HERC3: variants seen among roughly 807,000 people sequenced by gnomAD.
The protein encoded by HERC3 is probable E3 ubiquitin-protein ligase HERC3.
A neutral mutation model predicts 129.9 loss-of-function variants in HERC3; 58 were observed. The ratio of observed to expected loss-of-function variants is 0.45; its 90% confidence interval spans 0.36 to 0.56. HERC3 has a LOEUF of 0.56. Ranked by LOEUF, HERC3 falls within the 20% of genes least tolerant of loss-of-function variation. HERC3 has a pLI of 0.00. For missense variants in HERC3, 835 were observed against 1,244.2 expected (o/e 0.67, Z 4.95); for synonymous variants, 430 against 451.0 (o/e 0.95, Z 0.59).
At chr4:88,667,810 A>G (rs1731205488) in intron 13 of HERC3, 82 bp from the exon 14 acceptor site, 2 of 1,041,782 alleles carry the variant, frequency 1.9e-6, no homozygotes, top group Non-Finnish European at 2.9e-6. Flanking sequence ...TTGAGAGTCT[A>G]TCAAATAGCT....
At chr4:88,530,076 G>A in the HERC3 span, among the ~76,000 whole-genome samples, 1 of 152,068 alleles carries the variant, frequency 6.6e-6, no homozygotes, top group South Asian at 2.1e-4. Context: ...GATCACCTGA[G>A]GAGTTCAAGA....
chr4:88,585,258 T>C, the HERC3 span, among the ~76,000 whole-genome samples: 1 of 152,220 alleles, frequency 6.6e-6, no homozygotes, highest in Non-Finnish European at 1.5e-5. Context: ...TTTCAACATA[T>C]GAATTTAGTG....
chr4:88,605,263 A>G (rs1178691134), intron 2 of HERC3, among the ~76,000 whole-genome samples: 1 of 152,240 alleles, frequency 6.6e-6, no homozygotes, highest in African/African-American at 2.4e-5. Flanking sequence ...AGGGAATGGC[A>G]GAGAAGATAA....
intron 20 of HERC3, 21 bp from the exon 21 acceptor site, chr4:88,681,138 A>G: frequency 1.3e-6 from 2 of 1,586,790 alleles, no homozygotes; most frequent in Non-Finnish European, 1.7e-6. Flanking sequence ...TTTTTAACAC[A>G]TTTGTATGTG....
chr4:88,528,203 T>G, the HERC3 span: 1 of 166,630 alleles, frequency 6.0e-6, no homozygotes, highest in African/African-American at 2.4e-5. Flanking sequence ...GAGACTCGTT[T>G]CATCTTTGGA....
chr4:88,604,498 C>A (rs1723399092), intron 2 of HERC3, among the ~76,000 whole-genome samples: 1 of 152,198 alleles, frequency 6.6e-6, no homozygotes, highest in Admixed American at 6.5e-5. Flanking sequence ...ATTTTCTAGT[C>A]TATTTTCTAT....
the HERC3 span, among the ~76,000 whole-genome samples, chr4:88,585,233 C>T: frequency 6.6e-6 from 1 of 152,214 alleles, no homozygotes; most frequent in East Asian, 1.9e-4. Flanking sequence ...AATACCATCA[C>T]CCTGGGGGTT....
At position 88,664,149 on chromosome 4, in the gene HERC3, G is replaced by A; in HGVS notation, c.1272-4G>A. 1.2e-6 allele frequency: 2 copies of A among 1,609,548 alleles called. No individual in the cohort carries two copies. The highest frequency in any genetic ancestry group is 1.7e-6 in the Non-Finnish European group (2 of 1,177,724). ...CTTCCCCCTCCCTTCTTTTCTTTGA[G>A]CAGTGGTGTTGTTCAGATATTATCT... On this transcript the variant is annotated splice_polypyrimidine_tract_variant and splice_region_variant and intron_variant, in intron 11 of 25. Coordinates refer to ENST00000402738, the MANE Select transcript of HERC3 (RefSeq NM_014606.3).
chr4:88,652,667 A>T (rs1168731995), intron 5 of HERC3, among the ~76,000 whole-genome samples: 1 of 152,224 alleles, frequency 6.6e-6, no homozygotes, highest in African/African-American at 2.4e-5. Flanking sequence ...TTTGAAGGGC[A>T]GTAAGACTCA....
chr4:88,537,629 T>C, the HERC3 span, among the ~76,000 whole-genome samples: 2 of 152,228 alleles, frequency 1.3e-5, no homozygotes, highest in Non-Finnish European at 2.9e-5. Flanking sequence ...TGAGGTTATA[T>C]TGAAGGCTAA....
At chr4:88,585,429 G>A in the HERC3 span, among the ~76,000 whole-genome samples, 2 of 151,932 alleles carry the variant, frequency 1.3e-5, no homozygotes, top group Non-Finnish European at 2.9e-5. Flanking sequence ...TATAAATCAC[G>A]ACACTAAGTT....
the HERC3 span, among the ~76,000 whole-genome samples, chr4:88,562,263 T>G: frequency 1.3e-5 from 2 of 152,230 alleles, no homozygotes; most frequent in Non-Finnish European, 2.9e-5. Context: ...GTTGAGCACC[T>G]TTTCATATAC....
intron 4 of HERC3, among the ~76,000 whole-genome samples, chr4:88,651,379 C>T (rs1729257443): frequency 6.6e-6 from 1 of 152,122 alleles, no homozygotes; most frequent in Admixed American, 6.6e-5. Flanking sequence ...AGTAACATAG[C>T]TTTGATGTCA....
chr4:88,669,318 A>G (rs1204147583), intron 14 of HERC3, among the ~76,000 whole-genome samples: 1 of 152,196 alleles, frequency 6.6e-6, no homozygotes, highest in African/African-American at 2.4e-5. Context: ...TTTCCAACGA[A>G]GTATAAGCCA....
chr4:88,617,175 CAAA>C (rs1162260456), intron 3 of HERC3, among the ~76,000 whole-genome samples: 400 of 31,852 alleles, frequency 0.013, 1 homozygote, highest in African/African-American at 0.039. Context: ...ACCCTGTCTC[CAAA>C]AAAAAAAAAA....
chr4:88,661,473 A>G (rs1730483830), intron 10 of HERC3, among the ~76,000 whole-genome samples: 1 of 152,220 alleles, frequency 6.6e-6, no homozygotes, highest in Admixed American at 6.5e-5. Flanking sequence ...TGTAGGTACA[A>G]AGGAGAAAAA....
rs749047302 is a variant in HERC3 at position 88,668,023 on chromosome 4, G to A, written c.1575G>A (p.Leu525=). Residue 525 remains leucine, a synonymous_variant, in exon 14 of 26, where the codon TTG becomes TTA. Transcript: ENST00000402738. ...AGGATTCCAAGTATTATATAACATTGACTATTCCCTTGGCTATGGCCATTC... is the reference window on the plus strand; with the variant it reads ...AGGATTCCAAGTATTATATAACATTAACTATTCCCTTGGCTATGGCCATTC... ...LLQDSKYYIT[L]TIPLAMAILR... is the part of the protein sequence containing the mutation. 6.2e-7 allele frequency: 1 copy of A among 1,613,660 alleles called. No individual in the cohort carries two copies. Among genetic ancestry groups the A allele is most frequent in the Admixed American group, 1.7e-5 (1 of 60,010 alleles).
At chr4:88,560,844 C>A in the HERC3 span, among the ~76,000 whole-genome samples, 1 of 152,122 alleles carries the variant, frequency 6.6e-6, no homozygotes, top group Non-Finnish European at 1.5e-5. Flanking sequence ...AAGAGACTAG[C>A]CTCTCTCCAT....
chr4:88,632,660 CAG>C (rs1225125644), intron 3 of HERC3, among the ~76,000 whole-genome samples: 1 of 152,086 alleles, frequency 6.6e-6, no homozygotes, highest in Non-Finnish European at 1.5e-5. Flanking sequence ...ACAGAGGTGA[CAG>C]AGGAAAGAAT....
Sources: allele counts gnomAD v4.1 joint callset (sites outside exome capture counted in the v4.1 genomes callset), GRCh38; gene constraint gnomAD v4.1.1; transcripts MANE v1.5; gene names NCBI Gene and HGNC (gene_info 2026-07-23, HGNC 2026-07-21).